LEPROT: variants seen among roughly 807,000 people sequenced by gnomAD.
LEPROT encodes leptin receptor overlapping transcript, also known as leptin receptor gene-related protein.
LEPROT carries 3 observed loss-of-function variants against 15.4 expected under a neutral mutation model. The ratio of observed to expected loss-of-function variants is 0.19; its 90% CI spans 0.09 to 0.50. LEPROT has a LOEUF of 0.50. Among genes scored for constraint, LEPROT ranks in the 20% least tolerant of loss-of-function variants. The pLI is 0.97. For synonymous variants in LEPROT, 59 were observed against 57.5 expected, an observed-to-expected ratio of 1.03 and a Z score of -0.12; for missense variants, 137 against 162.2, an observed-to-expected ratio of 0.84 and a Z score of 0.84.
rs1646525536 is a variant in LEPROT at position 65,434,096 on chromosome 1, C to T, written c.*2177C>T. ...TTCATATGTAGCCTTAAAGCATTAC[C>T]TCTTGATTGTATCTTTAGATTGATA... On this transcript the variant is annotated 3_prime_UTR_variant, in exon 4 of 4. Coordinates refer to ENST00000371065, the MANE Select transcript of LEPROT (RefSeq NM_017526.5). The T allele has an allele frequency of 6.1e-6, 6 of 984,830 alleles. No individual in the cohort carries two copies. The highest frequency in any genetic ancestry group is 7.2e-6 in the Non-Finnish European group (6 of 829,462). 61.0% of individuals were successfully genotyped at this position (984,830 alleles called of 1,614,324 possible). A position where few individuals can be genotyped will look rare whatever the true frequency, so the allele number is the denominator to read the frequency against.
intron 2 of LEPROT, among the ~76,000 whole-genome samples, chr1:65,428,763 T>G (rs1191153967): frequency 1.3e-5 from 2 of 152,152 alleles, no homozygotes; most frequent in Non-Finnish European, 2.9e-5. Flanking sequence ...ATAAGAAATG[T>G]CTGATGGAGA....
chr1:65,432,074 G>T lies in LEPROT; in HGVS notation c.*155G>T. ...TTTAAGAAAGACTTCATAAGTAGGA[G>T]ATGAGTTTTATTCTCAGCAAATAGA... On this transcript the variant is annotated 3_prime_UTR_variant, in exon 4 of 4. Transcript: ENST00000371065. The T allele has an allele frequency of 7.4e-7, 1 of 1,346,756 alleles. No individual in the cohort carries two copies. The highest frequency in any genetic ancestry group is 1.9e-5 in the South Asian group (1 of 52,176). 83.4% of individuals were successfully genotyped at this position (1,346,756 alleles called of 1,614,324 possible).
rs1646533679 is a variant in LEPROT at position 65,434,633 on chromosome 1, G to A, written c.*2714G>A. 1.0e-6 allele frequency: 1 copy of A among 985,396 alleles called. No individual in the cohort carries two copies. The highest frequency in any genetic ancestry group is 1.1e-4 in the East Asian group (1 of 8,816). 61.0% of individuals were successfully genotyped at this position (985,396 alleles called of 1,614,324 possible). On this transcript the variant is annotated 3_prime_UTR_variant, in exon 4 of 4. Transcript: ENST00000371065. ...GACAGGGTAGTGTGAGTAGTTTGGA[G>A]GAAGGACAGTGCAACTTTCCACCCC...
intron 2 of LEPROT, among the ~76,000 whole-genome samples, chr1:65,429,353 A>C (rs1056303276): frequency 7.9e-5 from 12 of 152,222 alleles, no homozygotes; most frequent in Admixed American, 7.9e-4. Flanking sequence ...GTGTGGCTAC[A>C]GATTAAGCAA....
chr1:65,425,045 CTTTT>C (rs761851017), intron 1 of LEPROT, among the ~76,000 whole-genome samples: 3 of 152,082 alleles, frequency 2.0e-5, no homozygotes, highest in Middle Eastern at 3.4e-3. Context: ...TTTTTTCTTT[CTTTT>C]TTATTTTAGT....
In LEPROT at chr1:65,432,707, T is replaced by A; in HGVS notation, c.*788T>A. 1 of 880,410 alleles carries A rather than the reference T, an allele frequency of 1.1e-6. No homozygotes were observed. Among genetic ancestry groups the A allele is most frequent in the Non-Finnish European group, 1.4e-6 (1 of 734,332 alleles). 54.5% of individuals were successfully genotyped at this position (880,410 alleles called of 1,614,324 possible). On this transcript the variant is annotated 3_prime_UTR_variant, in exon 4 of 4. Coordinates refer to ENST00000371065, the MANE Select transcript of LEPROT (RefSeq NM_017526.5). ...CAGTCAAAGGGTACAAAGCCTCAGT[T>A]AGGAGGAATAAGTGTGATTTTTTTT... is the stretch of plus-strand genomic sequence containing the variant.
rs145446742 is a variant in LEPROT at position 65,434,976 on chromosome 1, C to T, written c.*3057C>T. 938 of 985,424 alleles carry T rather than the reference C, an allele frequency of 9.5e-4. 6 individuals are homozygous for T. In the East Asian group the frequency reaches 0.017, roughly 18 times the overall value. 61.0% of individuals were successfully genotyped at this position (985,424 alleles called of 1,614,324 possible). A position where few individuals can be genotyped will look rare whatever the true frequency, so the allele number is the denominator to read the frequency against. ...ATTCCTTTTGACACCTGCATTGGGC[C>T]GACTGCCATTCCCATGACTGCTGCA... is the stretch of plus-strand genomic sequence containing the variant. On this transcript the variant is annotated 3_prime_UTR_variant, in exon 4 of 4. Transcript: ENST00000371065.
At chr1:65,429,597 A>G (rs1177016079) in intron 2 of LEPROT, among the ~76,000 whole-genome samples, 1 of 152,192 alleles carries the variant, frequency 6.6e-6, no homozygotes, top group Non-Finnish European at 1.5e-5. Context: ...ATTGTGGCTC[A>G]GTGGTACAGA....
At chr1:65,431,604 A>T (rs538799111) in intron 3 of LEPROT, among the ~76,000 whole-genome samples, 199 bp from the exon 4 acceptor site, 6 of 152,348 alleles carry the variant, frequency 3.9e-5, no homozygotes, top group African/African-American at 1.4e-4. Context: ...TAAGGATGAT[A>T]CCAGACTTAA....
chr1:65,431,204 A>G (rs1646478093), intron 3 of LEPROT, among the ~76,000 whole-genome samples: 2 of 152,016 alleles, frequency 1.3e-5, no homozygotes, highest in Admixed American at 6.5e-5. Context: ...AAATATTTAT[A>G]TTTTTTCCTT....
At chr1:65,424,266 A>G (rs1480956207) in intron 1 of LEPROT, among the ~76,000 whole-genome samples, 1 of 152,262 alleles carries the variant, frequency 6.6e-6, no homozygotes, top group Non-Finnish European at 1.5e-5. Flanking sequence ...CTACAAAGAC[A>G]TGAAAACAAT....
intron 3 of LEPROT, among the ~76,000 whole-genome samples, chr1:65,431,142 C>T (rs189629993): frequency 6.6e-6 from 1 of 152,320 alleles, no homozygotes; most frequent in African/African-American, 2.4e-5. Context: ...ACAAGATTGT[C>T]ATGACTTTAT....
intron 1 of LEPROT, among the ~76,000 whole-genome samples, chr1:65,424,048 C>G (rs1478501360): frequency 6.6e-6 from 1 of 152,114 alleles, no homozygotes; most frequent in Non-Finnish European, 1.5e-5. Flanking sequence ...TAGCTTCTAC[C>G]CAAAGTCATA....
intron 1 of LEPROT, among the ~76,000 whole-genome samples, chr1:65,422,537 C>T (rs1646271380): frequency 6.6e-6 from 1 of 152,224 alleles, no homozygotes; most frequent in African/African-American, 2.4e-5. Context: ...GAAGCTGATG[C>T]AGGTGGGATT....
Position 65,433,359 on chromosome 1 carries a change from T to C in LEPROT, c.*1440T>C, listed in dbSNP as rs1472279573. On this transcript the variant is annotated 3_prime_UTR_variant, in exon 4 of 4. Transcript: ENST00000371065. ...CTTTATGCCACCCTTAAATGAATCA[T>C]TGGGTATACCTGTCATGTTGGATCC... The C allele has an allele frequency of 5.1e-6, 5 of 985,288 alleles. No individual in the cohort carries two copies. In the East Asian group the frequency reaches 3.4e-4, roughly 67 times the overall value. 61.0% of individuals were successfully genotyped at this position (985,288 alleles called of 1,614,324 possible).
intron 2 of LEPROT, among the ~76,000 whole-genome samples, chr1:65,425,817 G>A (rs1306235107): frequency 2.0e-5 from 3 of 152,216 alleles, no homozygotes; most frequent in Non-Finnish European, 4.4e-5. Flanking sequence ...TCTGAGCCAA[G>A]ACTAGGTGGA....
Position 65,432,663 on chromosome 1 carries a change from T to C in LEPROT, c.*744T>C. ...GGCAGTTCCTCAAATTTATGAAAAG[T>C]GTTCTCAGAATTGGGAGACAGTCAA... On this transcript the variant is annotated 3_prime_UTR_variant, in exon 4 of 4. Coordinates refer to ENST00000371065, the MANE Select transcript of LEPROT (RefSeq NM_017526.5). 1.0e-6 allele frequency: 1 copy of C among 983,788 alleles called. No individual in the cohort carries two copies. The allele number at this position is 983,788 out of a possible 1,614,324, so 60.9% of individuals were successfully genotyped here. A position where few individuals can be genotyped will look rare whatever the true frequency, so the allele number is the denominator to read the frequency against.
At chr1:65,421,601 G>A in intron 1 of LEPROT, 3 of 920,382 alleles carry the variant, frequency 3.3e-6, no homozygotes, top group Non-Finnish European at 5.0e-6. Flanking sequence ...GTATATATAC[G>A]AGTACGCCTC....
intron 1 of LEPROT, among the ~76,000 whole-genome samples, chr1:65,423,703 CACCTTCCT>C (rs1308046788): frequency 1.3e-5 from 2 of 152,192 alleles, no homozygotes; most frequent in African/African-American, 2.4e-5. Context: ...AGCACTTTGG[CACCTTCCT>C]ATTAAAGAGT....
Sources: gnomAD v4.1 joint callset for allele counts (sites outside exome capture counted in the v4.1 genomes callset) on GRCh38, gnomAD v4.1.1 for gene constraint, MANE v1.5 for transcripts, NCBI Gene and HGNC (gene_info 2026-07-23, HGNC 2026-07-21) for gene names.